Variants in FSIP1 observed in about 807,000 individuals in gnomAD.
The protein encoded by FSIP1 is fibrous sheath interacting protein 1.
FSIP1 carries 65 observed loss-of-function variants against 60.9 expected under a neutral mutation model. The ratio of observed to expected loss-of-function variants is 1.07; its 90% CI spans 0.87 to 1.31. The LOEUF is 1.31. FSIP1 is among the 40% of genes most tolerant of loss of function. FSIP1 has a pLI of 0.00. For missense variants in FSIP1, 675 were observed against 665.5 expected, an observed-to-expected ratio of 1.01 and a Z score of -0.16; for synonymous variants, 209 against 221.2, an observed-to-expected ratio of 0.94 and a Z score of 0.49.
At chr15:39,691,180 A>G (rs1051772186) in intron 10 of FSIP1, among the ~76,000 whole-genome samples, 25 of 152,356 alleles carry the variant, frequency 1.6e-4, no homozygotes, top group African/African-American at 6.0e-4. Flanking sequence ...GGTTAAGTCC[A>G]GTCTTTGGGG....
intron 10 of FSIP1, among the ~76,000 whole-genome samples, chr15:39,648,532 C>T (rs938895185): frequency 1.3e-5 from 2 of 152,156 alleles, no homozygotes; most frequent in Non-Finnish European, 2.9e-5. Flanking sequence ...CTTTCCAAGA[C>T]CCCACCTTGT....
intron 8 of FSIP1, among the ~76,000 whole-genome samples, chr15:39,728,504 C>T (rs1896283945): frequency 6.6e-6 from 1 of 152,162 alleles, no homozygotes; most frequent in Non-Finnish European, 1.5e-5. Flanking sequence ...ACCATCTGAT[C>T]TTCAACAAAG....
At chr15:39,771,430 A>G (rs996696611) in intron 2 of FSIP1, among the ~76,000 whole-genome samples, 2 of 152,084 alleles carry the variant, frequency 1.3e-5, no homozygotes, top group Non-Finnish European at 2.9e-5. Context: ...TCAACTCTCC[A>G]CCACAATCTG....
chr15:39,764,211 A>C (rs1251932126), intron 4 of FSIP1, among the ~76,000 whole-genome samples: 1 of 152,210 alleles, frequency 6.6e-6, no homozygotes, highest in African/African-American at 2.4e-5. Context: ...TACACCATAA[A>C]ATTTAAAAAT....
intron 10 of FSIP1, among the ~76,000 whole-genome samples, chr15:39,652,065 C>T (rs186847692): frequency 6.6e-6 from 1 of 152,258 alleles, no homozygotes; most frequent in Non-Finnish European, 1.5e-5. Context: ...AAGTTACACT[C>T]CCATAAATGT....
chr15:39,652,359 A>G (rs1892905144), intron 10 of FSIP1, among the ~76,000 whole-genome samples: 1 of 152,248 alleles, frequency 6.6e-6, no homozygotes, highest in Admixed American at 6.5e-5. Context: ...GTTTTGATTA[A>G]AAGTGAATTC....
intron 5 of FSIP1, among the ~76,000 whole-genome samples, chr15:39,751,701 T>C (rs761049255): frequency 2.0e-5 from 3 of 151,706 alleles, no homozygotes; most frequent in African/African-American, 4.8e-5. Flanking sequence ...GGATAAAAAA[T>C]AGCAGATATG....
At chr15:39,686,975 G>A (rs544676603) in intron 10 of FSIP1, among the ~76,000 whole-genome samples, 1 of 152,004 alleles carries the variant, frequency 6.6e-6, no homozygotes, top group South Asian at 2.1e-4. Flanking sequence ...AAATGGCTGG[G>A]TCCCAAGTAA....
intron 10 of FSIP1, among the ~76,000 whole-genome samples, chr15:39,663,108 T>C (rs990562692): frequency 5.3e-5 from 8 of 152,182 alleles, no homozygotes; most frequent in Admixed American, 3.9e-4. Context: ...AAAAAATCCC[T>C]TACTGGTCTA....
At chr15:39,749,332 A>G (rs1595691703) in intron 5 of FSIP1, among the ~76,000 whole-genome samples, 1 of 151,318 alleles carries the variant, frequency 6.6e-6, no homozygotes, top group Non-Finnish European at 1.5e-5. Flanking sequence ...TCACCTTGAT[A>G]CCTGAGCCAC....
chr15:39,610,915 CCAAA>C (rs1891004845), intron 11 of FSIP1, among the ~76,000 whole-genome samples: 1 of 152,082 alleles, frequency 6.6e-6, no homozygotes, highest in Non-Finnish European at 1.5e-5. Flanking sequence ...AAAAACTTTC[CCAAA>C]CAAACAAAAA....
At chr15:39,643,775 C>T (rs954123986) in intron 10 of FSIP1, among the ~76,000 whole-genome samples, 1 of 152,168 alleles carries the variant, frequency 6.6e-6, no homozygotes, top group Non-Finnish European at 1.5e-5. Context: ...TTGCTACATC[C>T]ATAACAAAAG....
At chr15:39,660,964 G>A (rs8035354) in intron 10 of FSIP1, among the ~76,000 whole-genome samples, 86,818 of 152,090 alleles carry the variant, frequency 0.57, 26,452 homozygotes, top group Non-Finnish European at 0.7. Flanking sequence ...TCAGGAGGCC[G>A]AGGCAGAAGA....
rs11634518 is a variant in FSIP1, at chr15:39,774,362, A to G, written c.126+2037T>C. On this transcript the variant is annotated intron_variant, in intron 2 of 11. Coordinates refer to ENST00000350221, the MANE Select transcript of FSIP1 (RefSeq NM_152597.5). ...GGTGTGCCTATTGGTGTGTGCCTGT[A>G]GCCCCGGCTATTCGGGAGGCTGACA... Among the ~76,000 whole-genome samples, 724 of 152,224 alleles carry G rather than the reference A, an allele frequency of 4.8e-3. 5 individuals are homozygous for G. The highest frequency in any genetic ancestry group is 7.8e-3 in the Non-Finnish European group (527 of 67,996).
At chr15:39,711,659 C>G (rs1484285887) in intron 10 of FSIP1, among the ~76,000 whole-genome samples, 4 of 151,076 alleles carry the variant, frequency 2.6e-5, no homozygotes, top group Non-Finnish European at 5.9e-5. Flanking sequence ...CCTTACACTT[C>G]CCTACCATTC....
In FSIP1 at chr15:39,721,383, T is replaced by A. The variant is rs765885956; in HGVS notation, c.1050+5206A>T. 8.5e-5 allele frequency among the ~76,000 whole-genome samples: 13 copies of A among 152,350 alleles called. No homozygotes were observed. The South Asian group carries it at 1.4e-3, about 17-fold the overall frequency. On this transcript the variant is annotated intron_variant, in intron 9 of 11. Transcript: ENST00000350221. ...TTTAAAATATCATGCCTTCATCAAA[T>A]AACCTTTCCTTTCTCTGTGCTCCCG...
At chr15:39,713,371 A>C in intron 10 of FSIP1, 73 bp downstream of exon 10, 1 of 1,408,110 alleles carries the variant, frequency 7.1e-7, no homozygotes, top group South Asian at 1.4e-5. Flanking sequence ...GTTCGAGACC[A>C]GCCTGGGCAA....
At chr15:39,661,050 A>C (rs1893276342) in intron 10 of FSIP1, among the ~76,000 whole-genome samples, 1 of 152,240 alleles carries the variant, frequency 6.6e-6, no homozygotes, top group African/African-American at 2.4e-5. Context: ...CAACAGAGAG[A>C]GACTGCGTCT....
chr15:39,679,423 C>A lies in FSIP1; in HGVS notation c.1188+34021G>T, dbSNP rs561338111. ...CTCAGCTACTATTCAGCCGAGACAA[C>A]CTTGGAATCTAACTTAAAAATAAGA... is the stretch of plus-strand genomic sequence containing the variant. On this transcript the variant is annotated intron_variant, in intron 10 of 11. Transcript: ENST00000350221. 3.9e-5 allele frequency among the ~76,000 whole-genome samples: 6 copies of A among 152,194 alleles called. No homozygotes were observed. The East Asian group carries it at 1.2e-3, about 29-fold the overall frequency.
Sources: allele counts gnomAD v4.1 joint callset (sites outside exome capture counted in the v4.1 genomes callset), GRCh38; gene constraint gnomAD v4.1.1; transcripts MANE v1.5; gene names NCBI Gene and HGNC (gene_info 2026-07-23, HGNC 2026-07-21).